Variants in NTM observed in about 807,000 individuals in gnomAD.
NTM encodes neurotrimin, also known as IgLON family member 2.
NTM carries 13 observed loss-of-function variants against 42.1 expected under a neutral mutation model. That is an observed-to-expected ratio of 0.31 (90% CI 0.20 to 0.49). The LOEUF (loss-of-function observed/expected upper bound fraction) is 0.49, where lower values mean the gene tolerates loss of function less well. NTM is among the 20% of genes least tolerant of loss of function. The pLI, the probability that NTM is intolerant of heterozygous loss-of-function variation, is 0.99. For synonymous variants in NTM, 187 were observed against 179.2 expected (o/e 1.04, Z -0.35); for missense variants, 373 against 452.8 (o/e 0.82, Z 1.60).
chr11:131,837,828 C>A (rs1401235584), intron 1 of NTM, among the ~76,000 whole-genome samples: 1 of 152,152 alleles, frequency 6.6e-6, no homozygotes. Context: ...TGGCGACGTG[C>A]CCTGACGTGG....
In NTM at chr11:131,456,255, CT is replaced by C. The variant is rs1179743744; in HGVS notation, c.82+85368del. On this transcript the variant is annotated intron_variant, in intron 1 of 8. Coordinates refer to ENST00000683400, the MANE Select transcript of NTM (RefSeq NM_001352005.2). ...TTGTTTCAGTCGCTGTTAGATAAAA[CT>C]GGTTTTCAATTACACTAGGCAGTTC... Among the ~76,000 whole-genome samples, 3 of 152,174 alleles carry C rather than the reference CT, an allele frequency of 2.0e-5. No individual in the cohort carries two copies. In the East Asian group the frequency reaches 5.8e-4, roughly 29 times the overall value.
chr11:131,498,554 A>G (rs575984471), intron 1 of NTM, among the ~76,000 whole-genome samples: 3 of 152,084 alleles, frequency 2.0e-5, no homozygotes, highest in East Asian at 1.9e-4. Context: ...ACACACTCAC[A>G]CACATACACA....
At chr11:132,023,238 G>A (rs1009968219) in intron 2 of NTM, among the ~76,000 whole-genome samples, 1 of 152,216 alleles carries the variant, frequency 6.6e-6, no homozygotes, top group Non-Finnish European at 1.5e-5. Flanking sequence ...ACATGCCATC[G>A]TGGAGCCTGG....
intron 4 of NTM, among the ~76,000 whole-genome samples, chr11:132,215,070 A>C (rs1158663037): frequency 6.6e-6 from 1 of 152,218 alleles, no homozygotes; most frequent in Non-Finnish European, 1.5e-5. Flanking sequence ...ATCTTTCCCC[A>C]GTAGTATTTC....
intron 1 of NTM, among the ~76,000 whole-genome samples, chr11:131,636,936 G>A (rs1467780560): frequency 1.3e-5 from 2 of 152,126 alleles, no homozygotes; most frequent in Non-Finnish European, 2.9e-5. Context: ...TTTTTTCATG[G>A]TGGCTTCCGC....
At chr11:131,757,962 C>G (rs1201572350) in intron 1 of NTM, among the ~76,000 whole-genome samples, 1 of 152,084 alleles carries the variant, frequency 6.6e-6, no homozygotes, top group Non-Finnish European at 1.5e-5. Context: ...AGCTATTATT[C>G]TACTAACTTC....
chr11:131,834,339 T>C (rs992677759), intron 1 of NTM, among the ~76,000 whole-genome samples: 7 of 152,136 alleles, frequency 4.6e-5, no homozygotes, highest in African/African-American at 1.4e-4. Flanking sequence ...CTATCGGCCA[T>C]TTCTTTGATT....
chr11:132,067,661 G>A (rs911870037), intron 2 of NTM, among the ~76,000 whole-genome samples: 5 of 152,210 alleles, frequency 3.3e-5, no homozygotes, highest in East Asian at 1.9e-4. Flanking sequence ...ATCCAGTAGG[G>A]CAAATTCCAT....
At chr11:131,381,412 C>A (rs574393310) in intron 1 of NTM, among the ~76,000 whole-genome samples, 8 of 152,172 alleles carry the variant, frequency 5.3e-5, no homozygotes, top group Middle Eastern at 6.8e-3. Context: ...TGGTGATACA[C>A]GAATATTTAT....
intron 1 of NTM, among the ~76,000 whole-genome samples, chr11:131,417,729 A>C: frequency 6.6e-6 from 1 of 152,160 alleles, no homozygotes. Flanking sequence ...AACTATCATA[A>C]CTCTCCAAAA....
chr11:131,478,622 G>A (rs1013556250), intron 1 of NTM, among the ~76,000 whole-genome samples: 2 of 152,124 alleles, frequency 1.3e-5, no homozygotes, highest in African/African-American at 4.8e-5. Context: ...AGCCTCTGTG[G>A]TTATCCAAGC....
Position 132,305,385 on chromosome 11 carries a change from C to A in NTM, c.527-2304C>A, listed in dbSNP as rs576394987. Among the ~76,000 whole-genome samples, 214 of 152,338 alleles carry A rather than the reference C, an allele frequency of 1.4e-3. 1 individual carries two copies. Among genetic ancestry groups the A allele is most frequent in the Non-Finnish European group, 2.2e-3 (149 of 68,036 alleles). On this transcript the variant is annotated intron_variant, in intron 4 of 8. Transcript: ENST00000683400. Reference sequence around the variant, plus strand: ...CCCTGCTCCGACCCTGGAGCTCAATCCAGAAACAGCTGTCCAGAGCTAATT... The same window carrying A: ...CCCTGCTCCGACCCTGGAGCTCAATACAGAAACAGCTGTCCAGAGCTAATT...
At chr11:131,757,105 A>G (rs2083443369) in intron 1 of NTM, among the ~76,000 whole-genome samples, 2 of 152,274 alleles carry the variant, frequency 1.3e-5, no homozygotes, top group South Asian at 4.1e-4. Flanking sequence ...TATCTCCTTC[A>G]AGGAAAGGGG....
chr11:132,293,954 A>G (rs1328642494), intron 4 of NTM, among the ~76,000 whole-genome samples: 4 of 152,106 alleles, frequency 2.6e-5, no homozygotes. Flanking sequence ...GGCTGACCCT[A>G]TTTTACAGAA....
chr11:132,314,735 GGGGAGAGGGTGCAGAAC>G (rs749333983), intron 7 of NTM, 32 bp downstream of exon 7: 7 of 1,595,062 alleles, frequency 4.4e-6, no homozygotes, highest in Non-Finnish European at 6.0e-6. Flanking sequence ...GGCAAGAAGA[GGGGAGAGGGTGCAGAAC>G]GGGAGAGCTG....
In NTM at chr11:132,292,124, G is replaced by A. The variant is rs577164230; in HGVS notation, c.527-15565G>A. 2.6e-5 allele frequency among the ~76,000 whole-genome samples: 4 copies of A among 152,266 alleles called. No individual in the cohort carries two copies. The South Asian group carries it at 8.3e-4, about 32-fold the overall frequency. On this transcript the variant is annotated intron_variant, in intron 4 of 8. Transcript: ENST00000683400. Reference sequence around the variant, plus strand: ...AGAAAGTCCAGGTAGCTGATGAAGGGAATTCCTTGAAAAAGTGAGAAAGAA... The same window carrying A: ...AGAAAGTCCAGGTAGCTGATGAAGGAAATTCCTTGAAAAAGTGAGAAAGAA...
intron 2 of NTM, among the ~76,000 whole-genome samples, chr11:132,019,286 C>T (rs550053031): frequency 2.6e-5 from 4 of 151,566 alleles, no homozygotes; most frequent in Admixed American, 6.6e-5. Context: ...TTAACATAGA[C>T]GTTTACAGGT....
At chr11:132,334,411 C>T (rs982960781) in intron 8 of NTM, among the ~76,000 whole-genome samples, 1 of 152,210 alleles carries the variant, frequency 6.6e-6, no homozygotes, top group African/African-American at 2.4e-5. Flanking sequence ...CTGGCTTCGG[C>T]CTTGCAGGCA....
At chr11:132,122,499 G>A (rs1252263183) in intron 2 of NTM, among the ~76,000 whole-genome samples, 3 of 152,202 alleles carry the variant, frequency 2.0e-5, no homozygotes, top group Non-Finnish European at 4.4e-5. Flanking sequence ...GAGTTCGTGA[G>A]TTTTTTAAGG....
Sources: allele counts gnomAD v4.1 joint callset (sites outside exome capture counted in the v4.1 genomes callset), GRCh38; gene constraint gnomAD v4.1.1; transcripts MANE v1.5; gene names NCBI Gene and HGNC (gene_info 2026-07-23, HGNC 2026-07-21).